The following OPCML variants were observed in gnomAD, a reference collection of about 807,000 sequenced individuals.
OPCML encodes the protein opioid-binding protein/cell adhesion molecule.
Under a neutral mutation model 37.8 loss-of-function variants are expected in OPCML, and 13 were observed. The observed-to-expected ratio is 0.34, with a 90% confidence interval of 0.22 to 0.55. The LOEUF is 0.55. Among genes scored for constraint, OPCML ranks in the 20% least tolerant of loss-of-function variants. The pLI, the probability that OPCML is intolerant of heterozygous loss-of-function variation, is 0.91. For missense variants in OPCML, 341 were observed against 435.6 expected (o/e 0.78, Z 1.93); for synonymous variants, 176 against 168.8 (o/e 1.04, Z -0.33).
chr11:132,582,625 T>C lies in OPCML; in HGVS notation c.380-53439A>G, dbSNP rs181792387. ...TTTTCAAAGATAAGATACAAGAAAA[T>C]TTTCACCAAAATGAAGGAAGAATGG... On this transcript the variant is annotated intron_variant, in intron 3 of 7. Coordinates refer to ENST00000524381, the MANE Select transcript of OPCML (RefSeq NM_001012393.5). Among the ~76,000 whole-genome samples, 112 of 151,890 alleles carry C rather than the reference T, an allele frequency of 7.4e-4. 2 individuals carry two copies. The highest frequency in any genetic ancestry group is 2.0e-3 in the Admixed American group (31 of 15,254).
intron 1 of OPCML, among the ~76,000 whole-genome samples, chr11:133,051,303 A>G (rs1293159365): frequency 5.3e-5 from 8 of 152,154 alleles, no homozygotes; most frequent in Non-Finnish European, 8.8e-5. Flanking sequence ...TATTACCCGT[A>G]TTTTACCAAC....
At chr11:132,907,177 GCTCCTTTTGC>G (rs1305693956) in intron 2 of OPCML, among the ~76,000 whole-genome samples, 4 of 152,080 alleles carry the variant, frequency 2.6e-5, no homozygotes, top group African/African-American at 9.7e-5. Flanking sequence ...GGGGGCCGCA[GCTCCTTTTGC>G]AATATGAACC....
Position 132,851,640 on chromosome 11 carries a change from T to C in OPCML, c.146+91286A>G, listed in dbSNP as rs564270443. On this transcript the variant is annotated intron_variant, in intron 2 of 7. Coordinates refer to ENST00000524381, the MANE Select transcript of OPCML (RefSeq NM_001012393.5). ...AAGAAGAATATAATTGGCAATAAAA[T>C]ATTTACTAATCCAAGCACTCAGCTA... Among the ~76,000 whole-genome samples the C allele has an allele frequency of 1.9e-3, 288 of 152,326 alleles. 1 individual carries two copies. The highest frequency in any genetic ancestry group is 5.8e-3 in the South Asian group (28 of 4,826).
At chr11:133,449,730 T>C (rs569042077) in intron 1 of OPCML, among the ~76,000 whole-genome samples, 3 of 151,830 alleles carry the variant, frequency 2.0e-5, no homozygotes, top group Admixed American at 1.3e-4. Flanking sequence ...TGGGGTTCAC[T>C]GTAAATCCTA....
intron 4 of OPCML, among the ~76,000 whole-genome samples, chr11:132,475,907 G>T (rs181082201): frequency 5.9e-5 from 9 of 152,198 alleles, no homozygotes; most frequent in Admixed American, 3.9e-4. Flanking sequence ...ATGATAGAGT[G>T]ACACACAGAC....
chr11:132,521,967 C>A (rs2096295034), intron 4 of OPCML, among the ~76,000 whole-genome samples: 1 of 152,170 alleles, frequency 6.6e-6, no homozygotes, highest in African/African-American at 2.4e-5. Context: ...CCCAAGGCAA[C>A]TGCCTTCTGC....
intron 1 of OPCML, among the ~76,000 whole-genome samples, chr11:133,111,416 C>T (rs542877236): frequency 6.6e-6 from 1 of 152,248 alleles, no homozygotes; most frequent in Admixed American, 6.5e-5. Context: ...GATCACACTC[C>T]CTGTGTCCCT....
intron 1 of OPCML, among the ~76,000 whole-genome samples, chr11:133,044,544 C>T (rs534689210): frequency 6.6e-6 from 1 of 152,284 alleles, no homozygotes; most frequent in Admixed American, 6.5e-5. Flanking sequence ...GGCGAGCAGC[C>T]AGAGGTTAAG....
chr11:133,365,584 C>G (rs539604784), intron 1 of OPCML: 2 of 152,308 alleles, frequency 1.3e-5, no homozygotes, highest in Admixed American at 6.5e-5. Context: ...TAGGGAGGGA[C>G]AGACATGCAG....
intron 1 of OPCML, among the ~76,000 whole-genome samples, chr11:133,481,068 T>A (rs1947361026): frequency 6.6e-6 from 1 of 152,070 alleles, no homozygotes. Flanking sequence ...ACTGAAGAGA[T>A]TACTTAGATG....
chr11:132,586,895 T>C (rs910740106), intron 3 of OPCML, among the ~76,000 whole-genome samples: 2 of 152,228 alleles, frequency 1.3e-5, no homozygotes, highest in African/African-American at 2.4e-5. Flanking sequence ...CATTTCTTGC[T>C]TCCCAACACT....
At chr11:132,460,743 C>A (rs992332400) in intron 4 of OPCML, among the ~76,000 whole-genome samples, 1 of 152,210 alleles carries the variant, frequency 6.6e-6, no homozygotes, top group African/African-American at 2.4e-5. Context: ...AAACACAGTT[C>A]ACAAAGACGA....
chr11:132,900,461 C>T (rs796152080), intron 2 of OPCML, among the ~76,000 whole-genome samples: 7 of 152,284 alleles, frequency 4.6e-5, no homozygotes, highest in African/African-American at 1.7e-4. Context: ...TCTCCAGGTG[C>T]ACTCAGGCCC....
At chr11:132,573,045 G>T (rs1451054414) in intron 3 of OPCML, among the ~76,000 whole-genome samples, 3 of 151,478 alleles carry the variant, frequency 2.0e-5, no homozygotes, top group Non-Finnish European at 4.4e-5. Flanking sequence ...TTCTTTTTAA[G>T]ATAGTTTATT....
intron 1 of OPCML, chr11:133,005,036 G>A (rs966164592): frequency 1.7e-5 from 17 of 985,218 alleles, no homozygotes; most frequent in Middle Eastern, 1.0e-3. Flanking sequence ...GGTGGCAGCC[G>A]TGAGAGCCTG....
chr11:133,072,378 T>C (rs1383160655), intron 1 of OPCML, among the ~76,000 whole-genome samples: 2 of 152,118 alleles, frequency 1.3e-5, no homozygotes, highest in Non-Finnish European at 2.9e-5. Context: ...TTAAAATAAC[T>C]CAAAAGGCAA....
At chr11:133,331,855 G>A (rs1230669496) in intron 1 of OPCML, among the ~76,000 whole-genome samples, 1 of 152,036 alleles carries the variant, frequency 6.6e-6, no homozygotes. Context: ...GTATGGCCAT[G>A]GTGGCTACTT....
At chr11:132,901,199 A>T (rs1180713582) in intron 2 of OPCML, among the ~76,000 whole-genome samples, 1 of 151,988 alleles carries the variant, frequency 6.6e-6, no homozygotes, top group Non-Finnish European at 1.5e-5. Context: ...AAATAAATAA[A>T]TAATAAATAA....
intron 1 of OPCML, among the ~76,000 whole-genome samples, chr11:133,496,450 T>C (rs991268599): frequency 1.3e-5 from 2 of 152,196 alleles, no homozygotes; most frequent in Non-Finnish European, 2.9e-5. Context: ...GATGGTGGTA[T>C]TTTGATGGGG....
Sources: allele counts gnomAD v4.1 joint callset (sites outside exome capture counted in the v4.1 genomes callset), GRCh38; gene constraint gnomAD v4.1.1; transcripts MANE v1.5; gene names NCBI Gene and HGNC (gene_info 2026-07-23, HGNC 2026-07-21).